PTPRM: variants seen among roughly 807,000 people sequenced by gnomAD.
PTPRM encodes the protein receptor-type tyrosine-protein phosphatase mu.
In PTPRM, 47 loss-of-function variants were observed where a neutral mutation model predicts 186.7. That is an observed-to-expected ratio of 0.25 (90% confidence interval 0.20 to 0.32). PTPRM has a LOEUF of 0.32. Among genes scored for constraint, PTPRM ranks in the 10% least tolerant of loss-of-function variants. The pLI is 1.00. For missense variants in PTPRM, 1,494 were observed against 1,865.0 expected (o/e 0.80, Z 3.66); for synonymous variants, 668 against 674.9 (o/e 0.99, Z 0.16).
At chr18:7,896,801 C>T (rs912229477) in intron 3 of PTPRM, among the ~76,000 whole-genome samples, 6 of 152,180 alleles carry the variant, frequency 3.9e-5, no homozygotes, top group African/African-American at 1.4e-4. Context: ...CCAAGATTCA[C>T]CCTTATCAGT....
chr18:7,646,169 C>T (rs73387573), intron 1 of PTPRM, among the ~76,000 whole-genome samples: 85 of 152,252 alleles, frequency 5.6e-4, no homozygotes, highest in Non-Finnish European at 9.4e-4. Context: ...TCAATACTCA[C>T]AAAAACCCAT....
At chr18:7,585,894 A>G (rs1041841428) in intron 1 of PTPRM, among the ~76,000 whole-genome samples, 3 of 152,186 alleles carry the variant, frequency 2.0e-5, no homozygotes, top group Non-Finnish European at 2.9e-5. Context: ...TATCTACTTT[A>G]TATCTAATCA....
At chr18:8,183,525 T>C (rs1267184715) in intron 14 of PTPRM, among the ~76,000 whole-genome samples, 1 of 152,220 alleles carries the variant, frequency 6.6e-6, no homozygotes, top group Admixed American at 6.5e-5. Context: ...TTTCCTCCTT[T>C]CTTTGCCCTT....
intron 7 of PTPRM, among the ~76,000 whole-genome samples, chr18:8,025,956 G>A (rs2085545639): frequency 6.6e-6 from 1 of 152,180 alleles, no homozygotes; most frequent in African/African-American, 2.4e-5. Flanking sequence ...AAGGAGAAAG[G>A]TGCTTTTTCA....
intron 13 of PTPRM, among the ~76,000 whole-genome samples, chr18:8,125,990 TA>T (rs2092330354): frequency 2.0e-4 from 2 of 9,976 alleles, no homozygotes; most frequent in Admixed American, 1.7e-3. Flanking sequence ...TATATATATA[TA>T]TATATATATA....
chr18:7,678,105 T>C (rs941370525), intron 1 of PTPRM, among the ~76,000 whole-genome samples: 1 of 151,976 alleles, frequency 6.6e-6, no homozygotes, highest in African/African-American at 2.4e-5. Context: ...ACTTGACACT[T>C]AGAGCACCTA....
intron 13 of PTPRM, among the ~76,000 whole-genome samples, chr18:8,117,209 A>G (rs573837257): frequency 6.6e-6 from 1 of 152,356 alleles, no homozygotes; most frequent in African/African-American, 2.4e-5. Flanking sequence ...GAGAAATAGG[A>G]AGATCTAATA....
intron 1 of PTPRM, among the ~76,000 whole-genome samples, chr18:7,599,369 A>G (rs2037344006): frequency 6.6e-6 from 1 of 152,248 alleles, no homozygotes; most frequent in Non-Finnish European, 1.5e-5. Context: ...CATGCAGATT[A>G]CACTATGAGA....
chr18:8,341,871 G>C (rs900243768), intron 22 of PTPRM, among the ~76,000 whole-genome samples: 2 of 152,228 alleles, frequency 1.3e-5, no homozygotes, highest in Non-Finnish European at 2.9e-5. Flanking sequence ...TTAGATTAAA[G>C]TCACTGAAAT....
chr18:7,681,268 A>C (rs1264544637), intron 1 of PTPRM, among the ~76,000 whole-genome samples: 1 of 152,136 alleles, frequency 6.6e-6, no homozygotes, highest in Non-Finnish European at 1.5e-5. Flanking sequence ...TATCTCATTT[A>C]ATCCTTTGGT....
intron 7 of PTPRM, among the ~76,000 whole-genome samples, chr18:8,008,450 A>C (rs2084320636): frequency 6.6e-6 from 1 of 152,218 alleles, no homozygotes; most frequent in Non-Finnish European, 1.5e-5. Flanking sequence ...AAAGGTCTTT[A>C]CTTATTGTTT....
intron 7 of PTPRM, among the ~76,000 whole-genome samples, chr18:7,985,471 A>C (rs1373637672): frequency 7.0e-6 from 1 of 143,746 alleles, no homozygotes; most frequent in Non-Finnish European, 1.5e-5. Context: ...GTAGATACGT[A>C]AATATATACA....
At chr18:8,377,302 T>C (rs1327334971) in intron 26 of PTPRM, 1 of 152,248 alleles carries the variant, frequency 6.6e-6, no homozygotes, top group South Asian at 2.1e-4. Flanking sequence ...CATTTAAGTT[T>C]ATGAAAGCCT....
intron 14 of PTPRM, among the ~76,000 whole-genome samples, chr18:8,174,022 C>A (rs1234223468): frequency 6.6e-6 from 1 of 150,932 alleles, no homozygotes; most frequent in African/African-American, 2.4e-5. Flanking sequence ...GCTGAGATCA[C>A]GCCACTGCAC....
intron 1 of PTPRM, among the ~76,000 whole-genome samples, chr18:7,711,165 G>A (rs1174979843): frequency 2.0e-5 from 3 of 152,220 alleles, no homozygotes; most frequent in East Asian, 3.9e-4. Context: ...TAGACAGTGG[G>A]TGCAGCCCCT....
intron 1 of PTPRM, among the ~76,000 whole-genome samples, chr18:7,609,091 A>G (rs1022033052): frequency 2.6e-5 from 4 of 152,190 alleles, no homozygotes; most frequent in African/African-American, 7.2e-5. Context: ...ATGATTACAC[A>G]TGCTTGTTCA....
At chr18:7,823,602 G>A (rs1254768574) in intron 2 of PTPRM, among the ~76,000 whole-genome samples, 1 of 152,152 alleles carries the variant, frequency 6.6e-6, no homozygotes, top group African/African-American at 2.4e-5. Flanking sequence ...CTTGAATAAA[G>A]CAGGCAAAAG....
intron 1 of PTPRM, among the ~76,000 whole-genome samples, chr18:7,709,820 T>C (rs1260302605): frequency 6.6e-6 from 1 of 152,116 alleles, no homozygotes; most frequent in Non-Finnish European, 1.5e-5. Flanking sequence ...GATAAATTCC[T>C]GGAAATATAC....
chr18:8,351,971 G>A (rs138052172), intron 23 of PTPRM, among the ~76,000 whole-genome samples: 1 of 152,118 alleles, frequency 6.6e-6, no homozygotes, highest in Non-Finnish European at 1.5e-5. Flanking sequence ...TCTGTAAAAA[G>A]TTCAACCAAA....
Sources: allele counts gnomAD v4.1 joint callset (sites outside exome capture counted in the v4.1 genomes callset), GRCh38; gene constraint gnomAD v4.1.1; transcripts MANE v1.5; gene names NCBI Gene and HGNC (gene_info 2026-07-23, HGNC 2026-07-21).